Variants in C4orf36 observed in about 807,000 individuals in gnomAD.
The protein encoded by C4orf36 is uncharacterized protein C4orf36.
A neutral mutation model predicts 12.2 loss-of-function variants in C4orf36; 11 were observed. That is an observed-to-expected ratio of 0.90 (90% CI 0.57 to 1.49). C4orf36 has a LOEUF of 1.49. C4orf36 is among the 40% of genes most tolerant of loss of function. The pLI is 0.00. For synonymous variants in C4orf36, 54 were observed against 51.3 expected, an observed-to-expected ratio of 1.05 and a Z score of -0.22; for missense variants, 137 against 133.9, an observed-to-expected ratio of 1.02 and a Z score of -0.11.
At chr4:86,893,385 C>T (rs531913438), upstream of C4orf36, among the ~76,000 whole-genome samples, 1 of 152,254 alleles carries the variant, frequency 6.6e-6, no homozygotes, top group Admixed American at 6.5e-5. Flanking sequence ...GGGTTCGAGA[C>T]CAGCCTGGCC....
chr4:86,925,223 C>CAGTCTCATATATATATGAGACCG, the C4orf36 span: 1 of 152,114 alleles, frequency 6.6e-6, no homozygotes, highest in African/African-American at 2.4e-5. Context: ...ATCAATTTGT[C>CAGTCTCATATATATATGAGACCG]AGTCTCATAT....
chr4:86,914,390 CCTTT>C, the C4orf36 span: 5 of 557,360 alleles, frequency 9.0e-6, no homozygotes, highest in African/African-American at 2.3e-5. Flanking sequence ...TCTTCTTCTT[CCTTT>C]TTTTTTTTTT....
At chr4:86,914,453 T>G in the C4orf36 span, 14 of 596,954 alleles carry the variant, frequency 2.3e-5, no homozygotes, top group Non-Finnish European at 3.6e-5. Flanking sequence ...CAGGCTGGAG[T>G]GCAGTGGCAC....
In C4orf36 at chr4:86,887,867, C is replaced by CACAAAGACGCTTCAG. The variant is rs758495137; in HGVS notation, c.246_247insCTGAAGCGTCTTTGT (p.Glu82_Val83insLeuLysArgLeuCys). 5.6e-6 allele frequency: 9 copies of CACAAAGACGCTTCAG among 1,613,918 alleles called. No individual in the cohort carries two copies. In the Admixed American group the frequency reaches 8.3e-5, roughly 15 times the overall value. On this transcript the variant is annotated inframe_insertion, in exon 4 of 5. Coordinates refer to ENST00000295898, the MANE Select transcript of C4orf36 (RefSeq NM_144645.4). ...CACTTCAGTTTACAAAGACGCTTCA[C>CACAAAGACGCTTCAG]TTCATACTCCCTTTCGAGTTTGATA...
chr4:86,892,428 T>A (rs915756864), upstream of C4orf36: 18 of 985,120 alleles, frequency 1.8e-5, no homozygotes, highest in Middle Eastern at 5.2e-4. Flanking sequence ...AGTCTGGGGC[T>A]CCTCGCGTCA....
the C4orf36 span, among the ~76,000 whole-genome samples, chr4:86,928,513 T>C: frequency 1.3e-5 from 2 of 152,084 alleles, no homozygotes; most frequent in African/African-American, 4.8e-5. Flanking sequence ...ATCTACCCCG[T>C]GACTGAAGGC....
intron 4 of C4orf36, among the ~76,000 whole-genome samples, chr4:86,879,058 T>TG (rs60324888): frequency 1.3e-5 from 2 of 151,934 alleles, no homozygotes; most frequent in African/African-American, 4.8e-5. Context: ...AGCTGTTTTT[T>TG]ATTTGGTTTG....
At chr4:86,919,119 G>GGAGAGGGA in the C4orf36 span, among the ~76,000 whole-genome samples, 1 of 145,258 alleles carries the variant, frequency 6.9e-6, no homozygotes, top group Non-Finnish European at 1.5e-5. Flanking sequence ...CCCAGCTCCA[G>GGAGAGGGA]GAGAGAGAGA....
the C4orf36 span, among the ~76,000 whole-genome samples, chr4:86,911,901 C>T: frequency 2.6e-5 from 4 of 152,044 alleles, no homozygotes; most frequent in African/African-American, 9.7e-5. Context: ...CTTTTTGTTG[C>T]CCAGGCTGGA....
chr4:86,926,296 T>A, the C4orf36 span: 1 of 152,296 alleles, frequency 6.6e-6, no homozygotes, highest in Non-Finnish European at 1.5e-5. Flanking sequence ...GATGGTACCA[T>A]GTTTGAGAGG....
intron 4 of C4orf36, among the ~76,000 whole-genome samples, chr4:86,885,372 G>C (rs534195551): frequency 1.3e-5 from 2 of 151,896 alleles, no homozygotes; most frequent in Admixed American, 6.6e-5. Context: ...CTTTTATTTC[G>C]TTGAGCAGTG....
chr4:86,932,420 A>G, the C4orf36 span: 1 of 151,904 alleles, frequency 6.6e-6, no homozygotes, highest in Non-Finnish European at 1.5e-5. Flanking sequence ...ATATACATGC[A>G]GTCATTTGGA....
chr4:86,917,345 T>TGGAA, the C4orf36 span, among the ~76,000 whole-genome samples: 4 of 44,810 alleles, frequency 8.9e-5, no homozygotes, highest in East Asian at 6.3e-4. Context: ...GAAGGAAGGA[T>TGGAA]GGAAGGAAGG....
the C4orf36 span, among the ~76,000 whole-genome samples, chr4:86,897,837 C>A: frequency 6.6e-6 from 1 of 152,198 alleles, no homozygotes; most frequent in Non-Finnish European, 1.5e-5. Context: ...GCTGGCACCA[C>A]CAAACCTGCA....
chr4:86,900,856 A>G, the C4orf36 span, among the ~76,000 whole-genome samples: 2 of 152,194 alleles, frequency 1.3e-5, no homozygotes, highest in Non-Finnish European at 2.9e-5. Flanking sequence ...CAAGCTATGT[A>G]TCTGATGCTA....
chr4:86,917,480 G>T, the C4orf36 span, among the ~76,000 whole-genome samples: 22 of 135,326 alleles, frequency 1.6e-4, no homozygotes, highest in South Asian at 6.7e-4. Flanking sequence ...AAGAAATAAA[G>T]AAAAAGAAAG....
At chr4:86,902,689 T>G in the C4orf36 span, among the ~76,000 whole-genome samples, 3 of 152,278 alleles carry the variant, frequency 2.0e-5, no homozygotes, top group Admixed American at 1.3e-4. Flanking sequence ...CCCACCTCCG[T>G]CAAGGCTTTG....
chr4:86,904,375 G>T, the C4orf36 span, among the ~76,000 whole-genome samples: 3 of 152,230 alleles, frequency 2.0e-5, no homozygotes, highest in Non-Finnish European at 4.4e-5. Flanking sequence ...GCGGCGGGCT[G>T]AAGGGCTCCT....
chr4:86,892,317 T>A lies in C4orf36; in HGVS notation c.-208A>T. 2 of 985,300 alleles carry A rather than the reference T, an allele frequency of 2.0e-6. No individual in the cohort carries two copies. The highest frequency in any genetic ancestry group is 9.4e-5 in the South Asian group (2 of 21,280). 61.0% of individuals were successfully genotyped at this position (985,300 alleles called of 1,614,324 possible). On this transcript the variant is annotated 5_prime_UTR_variant, in exon 1 of 5. Coordinates refer to ENST00000295898, the MANE Select transcript of C4orf36 (RefSeq NM_144645.4). ...GGGGCTCGGAGGGTCGCGGCCGGGG[T>A]ACTGAGGTAAGAGCGCGCTGCGCTA...
Sources: gnomAD v4.1 joint callset for allele counts (sites outside exome capture counted in the v4.1 genomes callset) on GRCh38, gnomAD v4.1.1 for gene constraint, MANE v1.5 for transcripts, NCBI Gene and HGNC (gene_info 2026-07-23, HGNC 2026-07-21) for gene names.